The following ATG2B variants were observed in gnomAD, a reference collection of about 807,000 sequenced individuals.
The protein encoded by ATG2B is autophagy related 2B.
In ATG2B, 121 loss-of-function variants were observed where a neutral mutation model predicts 241.3. That is an observed-to-expected ratio of 0.50 (90% CI 0.43 to 0.58). ATG2B has a LOEUF of 0.58. ATG2B is among the 20% of genes least tolerant of loss of function. The pLI, the probability that ATG2B is intolerant of heterozygous loss-of-function variation, is 0.00. For missense variants in ATG2B, 2,306 were observed against 2,491.6 expected (o/e 0.93, Z 1.59); for synonymous variants, 858 against 876.6 (o/e 0.98, Z 0.37).
chr14:96,308,239 T>TATATATATATAA (rs1566719609), intron 29 of ATG2B, among the ~76,000 whole-genome samples: 2 of 17,478 alleles, frequency 1.1e-4, no homozygotes, highest in Admixed American at 6.9e-4. Context: ...TACATATATA[T>TATATATATATAA]ATATATATAT....
intron 1 of ATG2B, among the ~76,000 whole-genome samples, chr14:96,355,392 C>A (rs1184907256): frequency 6.6e-6 from 1 of 152,148 alleles, no homozygotes; most frequent in South Asian, 2.1e-4. Flanking sequence ...GGAATCCTTT[C>A]CGCATTGCTT....
intron 34 of ATG2B, among the ~76,000 whole-genome samples, chr14:96,299,980 T>C (rs1205418720): frequency 2.0e-5 from 3 of 152,208 alleles, no homozygotes; most frequent in Non-Finnish European, 4.4e-5. Context: ...ATAGCAATCT[T>C]AAAAGAGGCG....
At chr14:96,301,200 A>G (rs1361273171) in intron 34 of ATG2B, among the ~76,000 whole-genome samples, 1 of 152,200 alleles carries the variant, frequency 6.6e-6, no homozygotes, top group East Asian at 1.9e-4. Flanking sequence ...GATTTATTTA[A>G]TCTTCATTTT....
chr14:96,310,725 A>C (rs1393399379), intron 28 of ATG2B, among the ~76,000 whole-genome samples: 2 of 152,342 alleles, frequency 1.3e-5, no homozygotes, highest in East Asian at 3.9e-4. Flanking sequence ...AATAGGGAAA[A>C]TATGATGATA....
intron 18 of ATG2B, among the ~76,000 whole-genome samples, chr14:96,320,747 G>T (rs916856457): frequency 5.9e-5 from 9 of 152,114 alleles, no homozygotes; most frequent in African/African-American, 2.2e-4. Context: ...AAGTGTTTTT[G>T]ATCTCTGGGC....
chr14:96,300,775 A>G (rs959200402), intron 34 of ATG2B, among the ~76,000 whole-genome samples: 3 of 152,236 alleles, frequency 2.0e-5, no homozygotes, highest in African/African-American at 7.2e-5. Context: ...CCTAGGTCAG[A>G]GGCTATAAGC....
rs1886245315 is a variant in ATG2B at position 96,283,223 on chromosome 14, G to T, written c.*2532C>A. 1 of 152,214 alleles carries T rather than the reference G, an allele frequency of 6.6e-6. No individual in the cohort carries two copies. The highest frequency in any genetic ancestry group is 1.5e-5 in the Non-Finnish European group (1 of 68,112). 9.4% of individuals were successfully genotyped at this position (152,214 alleles called of 1,614,324 possible). A position where few individuals can be genotyped will look rare whatever the true frequency, so the allele number is the denominator to read the frequency against. On this transcript the variant is annotated 3_prime_UTR_variant, in exon 42 of 42. Transcript: ENST00000359933. ...ACAGATCTCGATGGAGCTGCTTATG[G>T]GACTCCATGGGGGGAACTGTAAGGA...
intron 15 of ATG2B, among the ~76,000 whole-genome samples, chr14:96,324,860 G>C (rs540821791): frequency 6.6e-6 from 1 of 152,004 alleles, no homozygotes; most frequent in Non-Finnish European, 1.5e-5. Context: ...ACGTAAAACC[G>C]AGAGAGAAAA....
chr14:96,311,438 C>T (rs768796818), intron 27 of ATG2B, 104 bp downstream of exon 27: 16 of 1,200,388 alleles, frequency 1.3e-5, no homozygotes, highest in South Asian at 4.4e-5. Flanking sequence ...AATATACTTA[C>T]TCTATTTCTG....
In ATG2B at chr14:96,334,516, A is replaced by AT. The variant is rs1414538982; in HGVS notation, c.925-16_925-15insA. On this transcript the variant is annotated splice_polypyrimidine_tract_variant and intron_variant, in intron 6 of 41. Transcript: ENST00000359933. ...TCAACATCCAACTTAAGGGAAAAAA[A>AT]AAAACTATTCATGAGGAGTATTCTT... is the stretch of plus-strand genomic sequence containing the variant. 2.0e-6 allele frequency: 3 copies of AT among 1,501,384 alleles called. No homozygotes were observed. The highest frequency in any genetic ancestry group is 2.7e-6 in the Non-Finnish European group (3 of 1,095,294). 93.0% of individuals were successfully genotyped at this position (1,501,384 alleles called of 1,614,324 possible).
Position 96,333,895 on chromosome 14 carries a change from C to T in ATG2B, c.1022-22G>A, listed in dbSNP as rs777390411. 2.9e-5 allele frequency: 46 copies of T among 1,593,724 alleles called. No homozygotes were observed. In the South Asian group the frequency reaches 5.1e-4, roughly 18 times the overall value. On this transcript the variant is annotated intron_variant, in intron 7 of 41. Transcript: ENST00000359933. Reference sequence around the variant, plus strand: ...TTTTCTATAAGCATACAAAAGGAAACCAAAACAGTAATTAAATTTGGAGTT... The same window carrying T: ...TTTTCTATAAGCATACAAAAGGAAATCAAAACAGTAATTAAATTTGGAGTT...
chr14:96,322,028 G>T, intron 18 of ATG2B, 84 bp downstream of exon 18: 1 of 1,021,324 alleles, frequency 9.8e-7, no homozygotes, highest in Non-Finnish European at 1.4e-6. Context: ...ATTCAGGCAA[G>T]GAAAGGAAAG....
intron 1 of ATG2B, among the ~76,000 whole-genome samples, chr14:96,362,263 A>AC (rs966865619): frequency 6.6e-6 from 1 of 152,204 alleles, no homozygotes; most frequent in Non-Finnish European, 1.5e-5. Context: ...TATCTTGTAA[A>AC]CATATAATCA....
In ATG2B at chr14:96,317,145, C is replaced by T. The variant is rs542023453; in HGVS notation, c.3210G>A (p.Lys1070=). The T allele has an allele frequency of 5.4e-5, 87 of 1,601,286 alleles. 1 individual carries two copies. The South Asian group carries it at 7.3e-4, about 13-fold the overall frequency. ...HGLIAVFTDV[K]QDNGDLLENK... ...AACACTTCGGATTTGTAAACCTCAC[C>T]TTCACATCTGTGAACACTGCTATTA... The change falls in exon 20 of 42, where the codon AAG becomes AAA. Residue 1070 remains lysine, a splice_region_variant and synonymous_variant. Transcript: ENST00000359933.
chr14:96,307,614 A>G (rs1595301743), intron 29 of ATG2B, among the ~76,000 whole-genome samples: 1 of 152,008 alleles, frequency 6.6e-6, no homozygotes, highest in East Asian at 1.9e-4. Context: ...TCTGGAAGAA[A>G]CTTCTTGGAC....
chr14:96,303,293 T>C (rs753549715), intron 32 of ATG2B, 38 bp from the exon 33 acceptor site: 4 of 1,383,110 alleles, frequency 2.9e-6, no homozygotes, highest in Admixed American at 2.7e-5. Flanking sequence ...AACAGTTCTT[T>C]ACATTCCTTT....
chr14:96,305,151 C>T (rs759179533), intron 31 of ATG2B, among the ~76,000 whole-genome samples: 16 of 152,186 alleles, frequency 1.1e-4, no homozygotes, highest in Non-Finnish European at 1.3e-4. Context: ...GCGACCGGCA[C>T]ACTGCACTCG....
intron 1 of ATG2B, among the ~76,000 whole-genome samples, chr14:96,360,256 T>C (rs762563906): frequency 7.7e-4 from 117 of 152,240 alleles, no homozygotes; most frequent in Non-Finnish European, 1.3e-3. Context: ...CAGTAGTACA[T>C]GCTACCTAGC....
chr14:96,308,261 T>TAC (rs1887037715), intron 29 of ATG2B, among the ~76,000 whole-genome samples: 1 of 25,602 alleles, frequency 3.9e-5, no homozygotes, highest in African/African-American at 1.3e-4. Context: ...TACACACATA[T>TAC]ATATATATAT....
Sources: allele counts gnomAD v4.1 joint callset (sites outside exome capture counted in the v4.1 genomes callset), GRCh38; gene constraint gnomAD v4.1.1; transcripts MANE v1.5; gene names NCBI Gene and HGNC (gene_info 2026-07-23, HGNC 2026-07-21).